SPON1: variants seen among roughly 807,000 people sequenced by gnomAD.
SPON1 encodes the protein spondin 1, also known as spondin-1.
SPON1 carries 52 observed loss-of-function variants against 111.7 expected under a neutral mutation model. The observed-to-expected ratio is 0.47, with a 90% CI of 0.37 to 0.59. SPON1 has a LOEUF of 0.59. SPON1 is among the 20% of genes least tolerant of loss of function. The pLI is 0.00. For synonymous variants in SPON1, 410 were observed against 395.8 expected (o/e 1.04, Z -0.43); for missense variants, 957 against 1,068.5 (o/e 0.90, Z 1.46).
rs1849085449 is a variant in SPON1, at chr11:14,254,508, T to G, written c.891-20T>G. On this transcript the variant is annotated intron_variant, in intron 7 of 15. Coordinates refer to ENST00000576479, the MANE Select transcript of SPON1 (RefSeq NM_006108.4). ...AACCCCCAGAACTCTAATATAATGG[T>G]CTCTGTATTTCGTTTCCAGGAGAGC... 6.4e-7 allele frequency: 1 copy of G among 1,572,616 alleles called. No individual in the cohort carries two copies. Among genetic ancestry groups the G allele is most frequent in the Non-Finnish European group, 8.6e-7 (1 of 1,159,566 alleles).
intron 6 of SPON1, among the ~76,000 whole-genome samples, chr11:14,170,569 G>T (rs1178640717): frequency 2.6e-5 from 4 of 151,830 alleles, no homozygotes; most frequent in African/African-American, 4.8e-5. Context: ...TCCCTGTCTT[G>T]TGCCAGTTTT....
At chr11:14,150,474 G>A (rs4757229) in intron 6 of SPON1, among the ~76,000 whole-genome samples, 128,330 of 152,068 alleles carry the variant, frequency 0.84, 54,380 homozygotes, top group African/African-American at 0.92. Flanking sequence ...TGTTCTCAAC[G>A]CAAAGAAACA....
chr11:13,983,493 A>G (rs16913534), intron 2 of SPON1, among the ~76,000 whole-genome samples: 1,977 of 152,244 alleles, frequency 0.013, 43 homozygotes, highest in African/African-American at 0.046. Context: ...TCACAGAACA[A>G]CCTCCTCAAG....
intron 2 of SPON1, among the ~76,000 whole-genome samples, chr11:13,993,303 C>T (rs529298103): frequency 7.2e-5 from 11 of 151,938 alleles, no homozygotes; most frequent in South Asian, 2.1e-4. Context: ...GCCCCAACAG[C>T]GGGTTCCAGC....
chr11:13,994,244 C>A (rs1848253548), intron 2 of SPON1, among the ~76,000 whole-genome samples: 1 of 152,060 alleles, frequency 6.6e-6, no homozygotes, highest in Admixed American at 6.5e-5. Flanking sequence ...TTAATCAGTC[C>A]CCTTATAAGA....
chr11:14,234,374 C>T (rs1482876401), intron 6 of SPON1, among the ~76,000 whole-genome samples: 2 of 152,086 alleles, frequency 1.3e-5, no homozygotes, highest in African/African-American at 2.4e-5. Flanking sequence ...GGAGGCGGAC[C>T]ACGGAAGAGC....
chr11:14,049,683 C>G (rs1848694261), intron 3 of SPON1, among the ~76,000 whole-genome samples: 1 of 152,130 alleles, frequency 6.6e-6, no homozygotes, highest in African/African-American at 2.4e-5. Flanking sequence ...TAGGGAAAAT[C>G]ATGAACATAC....
At chr11:14,083,886 A>G (rs1357527465) in intron 5 of SPON1, among the ~76,000 whole-genome samples, 2 of 152,192 alleles carry the variant, frequency 1.3e-5, no homozygotes, top group Admixed American at 1.3e-4. Context: ...CTGAATAACC[A>G]TAATTTGTCT....
chr11:13,971,778 A>G (rs1848065055), intron 1 of SPON1, among the ~76,000 whole-genome samples: 1 of 152,104 alleles, frequency 6.6e-6, no homozygotes. Context: ...ACACTCATTT[A>G]GTGACCAGTG....
Position 14,075,355 on chromosome 11 carries a change from G to T in SPON1, c.490G>T (p.Val164Leu). ...CTTCTTTCTTCACAGGGCCAGCATC[G>T]TACAAAAACGCATTATTTATTTTCA... The part of the protein sequence containing the change: ...TGCVILKASI[V>L]QKRIIYFQDE... The change falls in exon 4 of 16, where the codon GTA (valine) becomes TTA (leucine). Residue 164 changes from valine to leucine, a missense_variant. Around this residue, in one of 5 missense-constraint regions of SPON1, gnomAD observed 262 missense variants for 253.9 expected, o/e 1.03. Coordinates refer to ENST00000576479, the MANE Select transcript of SPON1 (RefSeq NM_006108.4). 1.3e-6 allele frequency: 2 copies of T among 1,558,466 alleles called. No homozygotes were observed. Among genetic ancestry groups the T allele is most frequent in the Non-Finnish European group, 1.7e-6 (2 of 1,150,090 alleles).
intron 6 of SPON1, among the ~76,000 whole-genome samples, chr11:14,218,607 T>C (rs1401893318): frequency 6.7e-6 from 1 of 148,428 alleles, no homozygotes; most frequent in African/African-American, 2.4e-5. Context: ...GTGTTAGGCA[T>C]ACCCTAGCAG....
intron 1 of SPON1, among the ~76,000 whole-genome samples, chr11:13,972,830 A>T (rs529773311): frequency 1.3e-5 from 2 of 152,312 alleles, no homozygotes; most frequent in East Asian, 3.9e-4. Flanking sequence ...AACAAAGTCA[A>T]CCTAACTAAA....
intron 2 of SPON1, among the ~76,000 whole-genome samples, chr11:14,022,749 A>G (rs1384065271): frequency 6.6e-6 from 1 of 152,236 alleles, no homozygotes; most frequent in African/African-American, 2.4e-5. Flanking sequence ...GCAATGAATT[A>G]CTGAAACCTT....
In SPON1 at chr11:14,218,171, C is replaced by G. The variant is rs530868461; in HGVS notation, c.826-25161C>G. On this transcript the variant is annotated intron_variant, in intron 6 of 15. Coordinates refer to ENST00000576479, the MANE Select transcript of SPON1 (RefSeq NM_006108.4). The stretch of plus-strand genomic sequence containing the variant: ...TCTTCTATTTTGTTTGATGACAGCC[C>G]TAGATTTTTCCCACCTTAGTCATAT... Among the ~76,000 whole-genome samples the G allele has an allele frequency of 2.7e-3, 405 of 152,264 alleles. 3 individuals are homozygous for G. The highest frequency in any genetic ancestry group is 4.1e-3 in the Non-Finnish European group (279 of 68,014).
chr11:14,231,074 A>G (rs1848796707), intron 6 of SPON1, among the ~76,000 whole-genome samples: 1 of 151,804 alleles, frequency 6.6e-6, no homozygotes, highest in South Asian at 2.1e-4. Flanking sequence ...TAGCCTTCCA[A>G]AGTGCTGGGA....
At chr11:14,018,246 C>G (rs1564886798) in intron 2 of SPON1, among the ~76,000 whole-genome samples, 1 of 152,184 alleles carries the variant, frequency 6.6e-6, no homozygotes, top group Non-Finnish European at 1.5e-5. Context: ...CAATGAGCTT[C>G]ACCTCTCAAC....
At chr11:14,052,662 C>A (rs1848716728) in intron 3 of SPON1, among the ~76,000 whole-genome samples, 1 of 152,146 alleles carries the variant, frequency 6.6e-6, no homozygotes, top group Non-Finnish European at 1.5e-5. Context: ...CTCAGATACC[C>A]CAGAATCTGC....
intron 6 of SPON1, among the ~76,000 whole-genome samples, chr11:14,221,386 G>T (rs1848678805): frequency 6.6e-6 from 1 of 152,192 alleles, no homozygotes; most frequent in South Asian, 2.1e-4. Flanking sequence ...AAAATGACTT[G>T]TCCAAGGCCT....
chr11:14,061,835 CA>C (rs1848793317), intron 3 of SPON1, among the ~76,000 whole-genome samples: 1 of 152,196 alleles, frequency 6.6e-6, no homozygotes, highest in South Asian at 2.1e-4. Flanking sequence ...CAGACAGCAT[CA>C]AATCAAAACA....
Sources: allele counts gnomAD v4.1 joint callset (sites outside exome capture counted in the v4.1 genomes callset), GRCh38; gene constraint gnomAD v4.1.1; regional missense constraint gnomAD v4.1.1; transcripts MANE v1.5; gene names NCBI Gene and HGNC (gene_info 2026-07-23, HGNC 2026-07-21).